TTC7A: variants seen among roughly 807,000 people sequenced by gnomAD.
TTC7A encodes the protein tetratricopeptide repeat protein 7A.
In TTC7A, 110 loss-of-function variants were observed where a neutral mutation model predicts 103.7. That is an observed-to-expected ratio of 1.06 (90% CI 0.91 to 1.24). TTC7A has a LOEUF of 1.24. Ranked by LOEUF, TTC7A falls within the 50% of genes most tolerant of loss-of-function variation. The pLI is 0.00. For missense variants in TTC7A, 1,340 were observed against 1,116.3 expected, an observed-to-expected ratio of 1.20 and a Z score of -2.86; for synonymous variants, 521 against 467.9, an observed-to-expected ratio of 1.11 and a Z score of -1.47.
At chr2:47,015,017 G>T (rs1368301391) in intron 11 of TTC7A, among the ~76,000 whole-genome samples, 1 of 152,260 alleles carries the variant, frequency 6.6e-6, no homozygotes, top group African/African-American at 2.4e-5. Flanking sequence ...TGATTCGGGG[G>T]TTTGCACCAG....
intron 2 of TTC7A, among the ~76,000 whole-genome samples, chr2:46,953,040 A>G (rs755388228): frequency 2.4e-4 from 36 of 152,234 alleles, no homozygotes; most frequent in Non-Finnish European, 4.3e-4. Context: ...AAATTGTACC[A>G]TATTTTGTTA....
At chr2:47,041,531 T>G (rs1462276495) in intron 15 of TTC7A, among the ~76,000 whole-genome samples, 1 of 152,172 alleles carries the variant, frequency 6.6e-6, no homozygotes, top group Non-Finnish European at 1.5e-5. Context: ...GGTGGGTGGA[T>G]CACCTGAGGT....
At chr2:47,069,635 G>C (rs1257813840) in intron 19 of TTC7A, among the ~76,000 whole-genome samples, 1 of 152,222 alleles carries the variant, frequency 6.6e-6, no homozygotes, top group Non-Finnish European at 1.5e-5. Context: ...GGAGTGGGAG[G>C]TTTTCAGCCT....
chr2:46,973,435 C>G (rs1201210465), intron 3 of TTC7A, among the ~76,000 whole-genome samples: 1 of 152,176 alleles, frequency 6.6e-6, no homozygotes, highest in Non-Finnish European at 1.5e-5. Flanking sequence ...CTCATTTATC[C>G]CCCGTCAGGG....
At chr2:47,032,982 A>G (rs984193866) in intron 15 of TTC7A, among the ~76,000 whole-genome samples, 1 of 151,990 alleles carries the variant, frequency 6.6e-6, no homozygotes, top group Non-Finnish European at 1.5e-5. Flanking sequence ...GTGAGTGACC[A>G]TAGGGTATGA....
chr2:46,973,270 G>C (rs1260486012), intron 3 of TTC7A, among the ~76,000 whole-genome samples: 1 of 152,198 alleles, frequency 6.6e-6, no homozygotes, highest in African/African-American at 2.4e-5. Context: ...GAGGAGATAA[G>C]AGTATGGACT....
intron 5 of TTC7A, among the ~76,000 whole-genome samples, chr2:46,987,305 G>T (rs1410741356): frequency 6.6e-6 from 1 of 152,212 alleles, no homozygotes; most frequent in African/African-American, 2.4e-5. Flanking sequence ...TGGGGCCAGG[G>T]TCCAGACTAT....
chr2:47,069,225 G>A (rs1684454945), intron 19 of TTC7A, among the ~76,000 whole-genome samples: 1 of 152,178 alleles, frequency 6.6e-6, no homozygotes, highest in Admixed American at 6.5e-5. Context: ...CGGCTGGCAA[G>A]GAAGTCAATT....
intron 2 of TTC7A, among the ~76,000 whole-genome samples, chr2:46,932,166 T>C (rs969352785): frequency 1.3e-5 from 2 of 152,078 alleles, no homozygotes; most frequent in Non-Finnish European, 2.9e-5. Flanking sequence ...TTTTTTTTTT[T>C]TGAGACAGAG....
At chr2:46,975,522 G>T (rs12712983) in intron 4 of TTC7A, among the ~76,000 whole-genome samples, 50,131 of 151,314 alleles carry the variant, frequency 0.33, 9,417 homozygotes, top group East Asian at 0.66. Context: ...TTCAGAGGCT[G>T]GTAAAAGAGT....
intron 11 of TTC7A, among the ~76,000 whole-genome samples, chr2:47,016,662 C>T (rs1208491224): frequency 1.3e-5 from 2 of 152,204 alleles, no homozygotes; most frequent in Admixed American, 6.5e-5. Context: ...AAGGAAAGCC[C>T]GGTGCTGTAA....
chr2:46,922,667 TCA>T (rs1361419248), intron 2 of TTC7A, among the ~76,000 whole-genome samples: 1 of 152,038 alleles, frequency 6.6e-6, no homozygotes, highest in Non-Finnish European at 1.5e-5. Context: ...TAGAAACCAC[TCA>T]GAGTTTCTCC....
intron 15 of TTC7A, among the ~76,000 whole-genome samples, chr2:47,031,088 A>G (rs1464186229): frequency 6.6e-6 from 1 of 152,198 alleles, no homozygotes; most frequent in Admixed American, 6.5e-5. Flanking sequence ...CAGGGGTTGC[A>G]GTGAGCCGAG....
intron 18 of TTC7A, among the ~76,000 whole-genome samples, chr2:47,054,976 A>G (rs2104749670): frequency 6.6e-6 from 1 of 152,238 alleles, no homozygotes; most frequent in East Asian, 1.9e-4. Flanking sequence ...AGAGAATTCC[A>G]GGGTAATTTG....
upstream of TTC7A, among the ~76,000 whole-genome samples, chr2:46,936,248 A>C (rs1334852696): frequency 1.3e-5 from 2 of 152,172 alleles, no homozygotes; most frequent in Non-Finnish European, 2.9e-5. Flanking sequence ...TAACAACGCT[A>C]CTACTTGTCT....
At chr2:47,072,209 G>GTA (rs1168014832) in intron 19 of TTC7A, among the ~76,000 whole-genome samples, 32 of 152,168 alleles carry the variant, frequency 2.1e-4, no homozygotes, top group Admixed American at 2.1e-3. Flanking sequence ...TGGCGAGAGC[G>GTA]TAAGACCCTG....
chr2:46,916,320 GCT>G (rs1363485445), exon 1 of TTC7A: 9 of 325,804 alleles, frequency 2.8e-5, no homozygotes, highest in Non-Finnish European at 4.0e-5. Context: ...GCGTCTGCCA[GCT>G]CCACTGCACA....
chr2:46,942,374 C>T (rs1670511287), intron 1 of TTC7A, among the ~76,000 whole-genome samples: 1 of 152,270 alleles, frequency 6.6e-6, no homozygotes, highest in Non-Finnish European at 1.5e-5. Context: ...CAGTCTCTAA[C>T]CTCAAATCCT....
In TTC7A at chr2:47,038,435, A is replaced by G. The variant is rs535300235; in HGVS notation, c.1803-7880A>G. On this transcript the variant is annotated intron_variant, in intron 15 of 19. Coordinates refer to ENST00000319190, the MANE Select transcript of TTC7A (RefSeq NM_020458.4). ...CTATGCAGCCTCTGGCCTCCTGGCC[A>G]AGGAATTAGACTTTCCAGAGGCGTG... Among the ~76,000 whole-genome samples the G allele has an allele frequency of 1.7e-4, 26 of 152,312 alleles. No homozygotes were observed. In the South Asian group the frequency reaches 4.8e-3, roughly 28 times the overall value.
Sources: allele counts gnomAD v4.1 joint callset (sites outside exome capture counted in the v4.1 genomes callset), GRCh38; gene constraint gnomAD v4.1.1; transcripts MANE v1.5; gene names NCBI Gene and HGNC (gene_info 2026-07-23, HGNC 2026-07-21).